The following PDE4D variants were observed in gnomAD, a reference collection of about 807,000 sequenced individuals.
PDE4D encodes phosphodiesterase 4D.
Under a neutral mutation model 87.4 loss-of-function variants are expected in PDE4D, and 24 were observed. That is an observed-to-expected ratio of 0.27 (90% CI 0.20 to 0.39). The LOEUF is 0.39. Among genes scored for constraint, PDE4D ranks in the 10% least tolerant of loss-of-function variants. The pLI is 1.00. For synonymous variants in PDE4D, 384 were observed against 383.2 expected (o/e 1.00, Z -0.02); for missense variants, 714 against 1,041.0 (o/e 0.69, Z 4.32).
At chr5:59,755,401 TA>T (rs1761076275) in intron 1 of PDE4D, among the ~76,000 whole-genome samples, 1 of 152,198 alleles carries the variant, frequency 6.6e-6, no homozygotes. Context: ...TATGGCCTTT[TA>T]AATAAAAATG....
At chr5:60,030,861 T>C (rs1309356567) in intron 2 of PDE4D, 3 of 152,192 alleles carry the variant, frequency 2.0e-5, no homozygotes, top group Non-Finnish European at 2.9e-5. Context: ...TAGACCCAGA[T>C]TGGCAAGTTC....
intron 3 of PDE4D, among the ~76,000 whole-genome samples, chr5:59,962,186 A>C (rs1759544758): frequency 6.6e-6 from 1 of 152,168 alleles, no homozygotes; most frequent in African/African-American, 2.4e-5. Flanking sequence ...AGTACATTGT[A>C]ACAATTTTTT....
chr5:60,369,350 A>T (rs755647260), intron 1 of PDE4D, among the ~76,000 whole-genome samples: 1 of 152,098 alleles, frequency 6.6e-6, no homozygotes, highest in Non-Finnish European at 1.5e-5. Flanking sequence ...AAGGGGTACC[A>T]TTAGCAGAGA....
chr5:59,453,354 C>T (rs1047638911), intron 1 of PDE4D, among the ~76,000 whole-genome samples: 7 of 152,170 alleles, frequency 4.6e-5, no homozygotes, highest in Admixed American at 1.3e-4. Context: ...AAGAGCAGCA[C>T]ATCTCTTACT....
At position 59,562,261 on chromosome 5, in the gene PDE4D, T is replaced by C. The variant is rs148678264; in HGVS notation, c.455+330907A>G. On this transcript the variant is annotated intron_variant, in intron 1 of 14. Coordinates refer to ENST00000340635, the MANE Select transcript of PDE4D (RefSeq NM_001104631.2). Reference sequence around the variant, plus strand: ...ACGTCCTCTACCAGAAGGAATTTCATATTCCTATCACAAAAGGGAAATTGC... The same window carrying C: ...ACGTCCTCTACCAGAAGGAATTTCACATTCCTATCACAAAAGGGAAATTGC... Among the ~76,000 whole-genome samples, 1,049 of 152,332 alleles carry C rather than the reference T, an allele frequency of 6.9e-3. 41 individuals carry two copies. The highest frequency in any genetic ancestry group is 0.064 in the Admixed American group (986 of 15,292).
intron 1 of PDE4D, among the ~76,000 whole-genome samples, chr5:59,334,878 T>C (rs551786302): frequency 1.4e-4 from 21 of 152,262 alleles, no homozygotes; most frequent in African/African-American, 4.6e-4. Flanking sequence ...AATCATCTAA[T>C]CCTTCCCATT....
At chr5:59,680,228 A>G (rs796944934) in intron 1 of PDE4D, among the ~76,000 whole-genome samples, 2 of 152,262 alleles carry the variant, frequency 1.3e-5, no homozygotes, top group African/African-American at 4.8e-5. Flanking sequence ...ATGCATTTGG[A>G]ATTTACTCAG....
chr5:59,405,010 T>C (rs1399486313), intron 1 of PDE4D, among the ~76,000 whole-genome samples: 1 of 152,224 alleles, frequency 6.6e-6, no homozygotes, highest in Non-Finnish European at 1.5e-5. Flanking sequence ...TGAAGTCAGG[T>C]AATATGATTC....
At chr5:60,038,390 C>T (rs932865373) in intron 2 of PDE4D, among the ~76,000 whole-genome samples, 2 of 152,196 alleles carry the variant, frequency 1.3e-5, no homozygotes, top group African/African-American at 4.8e-5. Context: ...GAATCCTTTC[C>T]CCATTGCTTC....
intron 2 of PDE4D, among the ~76,000 whole-genome samples, chr5:60,065,943 T>C (rs1180815147): frequency 6.6e-6 from 1 of 152,252 alleles, no homozygotes; most frequent in East Asian, 1.9e-4. Context: ...CCTTTGGGTA[T>C]ATACCCAGTA....
At chr5:59,169,650 T>C (rs1782456357) in intron 5 of PDE4D, among the ~76,000 whole-genome samples, 1 of 152,180 alleles carries the variant, frequency 6.6e-6, no homozygotes, top group South Asian at 2.1e-4. Context: ...GTTTGTTAGA[T>C]GAGGGTGTGG....
intron 1 of PDE4D, among the ~76,000 whole-genome samples, chr5:60,501,282 A>G (rs1259622682): frequency 6.6e-6 from 1 of 152,082 alleles, no homozygotes; most frequent in African/African-American, 2.4e-5. Flanking sequence ...TAGTTTACTG[A>G]GAATGATGAT....
chr5:59,760,520 G>A (rs911723422), intron 1 of PDE4D, among the ~76,000 whole-genome samples: 3 of 152,014 alleles, frequency 2.0e-5, no homozygotes, highest in African/African-American at 7.2e-5. Context: ...TTATATACAC[G>A]CTGGAACATT....
At chr5:60,268,557 C>A (rs1750484675) in intron 1 of PDE4D, among the ~76,000 whole-genome samples, 1 of 152,170 alleles carries the variant, frequency 6.6e-6, no homozygotes. Flanking sequence ...TCCTGGACAG[C>A]CTAGTTTCAA....
intron 5 of PDE4D, among the ~76,000 whole-genome samples, chr5:59,141,953 T>G (rs887110947): frequency 6.6e-6 from 1 of 152,212 alleles, no homozygotes; most frequent in African/African-American, 2.4e-5. Context: ...GGTTAACTTG[T>G]GTCTTCTAAG....
At chr5:59,254,845 TTATG>T (rs1475280841) in intron 1 of PDE4D, among the ~76,000 whole-genome samples, 1 of 152,102 alleles carries the variant, frequency 6.6e-6, no homozygotes, top group Non-Finnish European at 1.5e-5. Flanking sequence ...TGAAACATAT[TTATG>T]TATGTACAGT....
chr5:59,824,993 A>AT (rs1770150724), intron 1 of PDE4D, among the ~76,000 whole-genome samples: 1 of 152,204 alleles, frequency 6.6e-6, no homozygotes, highest in Admixed American at 6.5e-5. Flanking sequence ...TGGATTGGTA[A>AT]TAGCACTAGA....
intron 2 of PDE4D, among the ~76,000 whole-genome samples, chr5:60,048,762 A>C (rs201054379): frequency 1.3e-5 from 2 of 151,920 alleles, no homozygotes; most frequent in African/African-American, 4.8e-5. Flanking sequence ...CTTCCCTTTG[A>C]GGGTAACCCG....
intron 2 of PDE4D, among the ~76,000 whole-genome samples, chr5:60,063,949 T>C (rs139574816): frequency 1.3e-3 from 199 of 152,162 alleles, no homozygotes; most frequent in African/African-American, 4.6e-3. Flanking sequence ...GGGTCAGCCA[T>C]AGATTGGCCC....
Sources: gnomAD v4.1 joint callset for allele counts (sites outside exome capture counted in the v4.1 genomes callset) on GRCh38, gnomAD v4.1.1 for gene constraint, MANE v1.5 for transcripts, NCBI Gene and HGNC (gene_info 2026-07-23, HGNC 2026-07-21) for gene names.